LMX1A: variants seen among roughly 807,000 people sequenced by gnomAD.
LMX1A encodes LIM homeobox transcription factor 1 alpha, also known as LIM homeobox transcription factor 1-alpha.
A neutral mutation model predicts 49.1 loss-of-function variants in LMX1A; 15 were observed. The observed-to-expected ratio is 0.31, with a 90% CI of 0.20 to 0.47. The LOEUF (loss-of-function observed/expected upper bound fraction) is 0.47. Ranked by LOEUF, LMX1A falls within the 20% of genes least tolerant of loss-of-function variation. The pLI is 1.00. For synonymous variants in LMX1A, 167 were observed against 185.7 expected (o/e 0.90, Z 0.82); for missense variants, 372 against 475.8 (o/e 0.78, Z 2.03).
intron 3 of LMX1A, among the ~76,000 whole-genome samples, chr1:165,352,797 G>A (rs895068643): frequency 2.6e-5 from 4 of 152,248 alleles, no homozygotes; most frequent in African/African-American, 7.2e-5. Context: ...GTCAGAGAAA[G>A]GGGCCTGGAA....
At chr1:165,314,842 G>T (rs561270080) in intron 3 of LMX1A, among the ~76,000 whole-genome samples, 1 of 152,134 alleles carries the variant, frequency 6.6e-6, no homozygotes, top group Middle Eastern at 3.2e-3. Context: ...TCTGAGTAAT[G>T]AGGGCATAAC....
At chr1:165,314,557 GTTTCTTCTAGTTTTT>G (rs1655165425) in intron 3 of LMX1A, among the ~76,000 whole-genome samples, 1 of 151,860 alleles carries the variant, frequency 6.6e-6, no homozygotes. Context: ...TCTTCATTTT[GTTTCTTCTAGTTTTT>G]TCTCTACCCT....
chr1:165,263,383 T>G (rs189364028), intron 3 of LMX1A, among the ~76,000 whole-genome samples: 1 of 152,186 alleles, frequency 6.6e-6, no homozygotes, highest in Non-Finnish European at 1.5e-5. Context: ...TCCATTTCCA[T>G]TGATGGATGG....
intron 3 of LMX1A, among the ~76,000 whole-genome samples, chr1:165,324,114 A>G (rs547693481): frequency 6.6e-6 from 1 of 152,364 alleles, no homozygotes; most frequent in East Asian, 1.9e-4. Context: ...CATCGCAGGC[A>G]TTCAGTCGAT....
At chr1:165,314,476 G>GT (rs1284711949) in intron 3 of LMX1A, among the ~76,000 whole-genome samples, 4 of 152,154 alleles carry the variant, frequency 2.6e-5, no homozygotes, top group African/African-American at 9.7e-5. Context: ...TCTAATGTTA[G>GT]ATCAGTCCCC....
chr1:165,342,713 A>G (rs1656114742), intron 3 of LMX1A, among the ~76,000 whole-genome samples: 2 of 152,150 alleles, frequency 1.3e-5, no homozygotes, highest in African/African-American at 2.4e-5. Context: ...ACAGAATACT[A>G]TAAACAGCTG....
intron 3 of LMX1A, among the ~76,000 whole-genome samples, chr1:165,351,528 G>A (rs1656427093): frequency 6.6e-6 from 1 of 152,152 alleles, no homozygotes; most frequent in Non-Finnish European, 1.5e-5. Flanking sequence ...CACTTCATAG[G>A]TTGTCATAGG....
intron 4 of LMX1A, among the ~76,000 whole-genome samples, chr1:165,239,125 G>A (rs1196841763): frequency 2.0e-5 from 3 of 152,088 alleles, no homozygotes; most frequent in Admixed American, 6.5e-5. Flanking sequence ...TTACAGAGGT[G>A]GAGCAGGAGA....
At chr1:165,262,706 C>T (rs1226469602) in intron 3 of LMX1A, among the ~76,000 whole-genome samples, 3 of 151,872 alleles carry the variant, frequency 2.0e-5, no homozygotes, top group Admixed American at 1.3e-4. Context: ...TCCCTCTTTG[C>T]AAATATGTTT....
chr1:165,253,159 G>A (rs549042567), intron 3 of LMX1A, among the ~76,000 whole-genome samples: 1 of 152,274 alleles, frequency 6.6e-6, no homozygotes, highest in African/African-American at 2.4e-5. Context: ...CATGTAGCTC[G>A]CATGCTAGTG....
intron 3 of LMX1A, among the ~76,000 whole-genome samples, chr1:165,277,776 G>A (rs1397043589): frequency 1.3e-5 from 2 of 152,182 alleles, no homozygotes; most frequent in African/African-American, 4.8e-5. Flanking sequence ...AGCAAGGAAG[G>A]TGGGGATCTG....
chr1:165,264,269 T>C (rs1192608098), intron 3 of LMX1A, among the ~76,000 whole-genome samples: 2 of 151,444 alleles, frequency 1.3e-5, no homozygotes, highest in African/African-American at 4.9e-5. Context: ...ATGGCTCTGC[T>C]CCCCATACCC....
intron 4 of LMX1A, among the ~76,000 whole-genome samples, chr1:165,244,476 T>C (rs1196696257): frequency 6.6e-6 from 1 of 152,146 alleles, no homozygotes. Context: ...GATCTGATGT[T>C]ACCTCTAGGT....
chr1:165,313,594 C>T (rs1655137911), intron 3 of LMX1A, among the ~76,000 whole-genome samples: 1 of 150,154 alleles, frequency 6.7e-6, no homozygotes, highest in South Asian at 2.1e-4. Context: ...GGTATGGAAT[C>T]CCAGGCTGGA....
At chr1:165,276,037 C>T (rs951081667) in intron 3 of LMX1A, among the ~76,000 whole-genome samples, 1 of 151,702 alleles carries the variant, frequency 6.6e-6, no homozygotes, top group Admixed American at 6.6e-5. Context: ...ATGCACACAC[C>T]CCACCCGAGA....
At chr1:165,246,819 T>G (rs1652864512) in intron 4 of LMX1A, among the ~76,000 whole-genome samples, 1 of 109,736 alleles carries the variant, frequency 9.1e-6, no homozygotes, top group South Asian at 2.4e-4. Context: ...TTGTCATTCA[T>G]ATTTTGACTC....
At chr1:165,329,505 T>G (rs185779159) in intron 3 of LMX1A, among the ~76,000 whole-genome samples, 1 of 152,172 alleles carries the variant, frequency 6.6e-6, no homozygotes, top group African/African-American at 2.4e-5. Context: ...CTGAGAAGGC[T>G]AATTCATGCA....
chr1:165,353,006 A>T, intron 3 of LMX1A, 70 bp downstream of exon 3: 2 of 1,472,768 alleles, frequency 1.4e-6, no homozygotes, highest in Non-Finnish European at 1.9e-6. Flanking sequence ...ACTAGGGTAA[A>T]GGAGGACAAA....
At chr1:165,273,317 C>T (rs953182844) in intron 3 of LMX1A, among the ~76,000 whole-genome samples, 1 of 152,144 alleles carries the variant, frequency 6.6e-6, no homozygotes, top group Non-Finnish European at 1.5e-5. Flanking sequence ...CAGAAGGGGG[C>T]TCACTTGGCC....
Sources: allele counts gnomAD v4.1 joint callset (sites outside exome capture counted in the v4.1 genomes callset), GRCh38; gene constraint gnomAD v4.1.1; transcripts MANE v1.5; gene names NCBI Gene and HGNC (gene_info 2026-07-23, HGNC 2026-07-21).